METTL16: variants seen among roughly 807,000 people sequenced by gnomAD.
METTL16 encodes RNA N(6)-adenosine-methyltransferase METTL16.
METTL16 carries 19 observed loss-of-function variants against 57.9 expected under a neutral mutation model. That is an observed-to-expected ratio of 0.33 (90% CI 0.23 to 0.48). The LOEUF (loss-of-function observed/expected upper bound fraction) is 0.48. METTL16 is among the 20% of genes least tolerant of loss of function. The pLI is 0.99. For synonymous variants in METTL16, 246 were observed against 255.6 expected (o/e 0.96, Z 0.36); for missense variants, 434 against 691.5 (o/e 0.63, Z 4.18).
At chr17:2,494,074 C>A (rs945798310) in intron 2 of METTL16, among the ~76,000 whole-genome samples, 1 of 152,182 alleles carries the variant, frequency 6.6e-6, no homozygotes, top group African/African-American at 2.4e-5. Context: ...TTGACAGAGT[C>A]TCGCTCTGTT....
At chr17:2,456,681 C>T (rs977152565) in intron 6 of METTL16, among the ~76,000 whole-genome samples, 1 of 152,174 alleles carries the variant, frequency 6.6e-6, no homozygotes, top group Admixed American at 6.6e-5. Context: ...GTTGCCCAGG[C>T]TGGTCTTGAA....
chr17:2,499,126 T>A (rs570603608), intron 2 of METTL16, among the ~76,000 whole-genome samples: 1 of 151,640 alleles, frequency 6.6e-6, no homozygotes, highest in South Asian at 2.1e-4. Context: ...GATTCTCCCA[T>A]ACTAAAAGGT....
chr17:2,498,976 G>A (rs890472864), intron 2 of METTL16, among the ~76,000 whole-genome samples: 2 of 151,526 alleles, frequency 1.3e-5, no homozygotes, highest in African/African-American at 4.9e-5. Context: ...CCTCTGCCTG[G>A]AATACTCTTC....
At chr17:2,493,718 C>A (rs972263060) in intron 2 of METTL16, among the ~76,000 whole-genome samples, 471 of 128,648 alleles carry the variant, frequency 3.7e-3, no homozygotes, top group Non-Finnish European at 4.2e-3. Context: ...GACTCTGTCT[C>A]AAAAAAAAAA....
At chr17:2,492,825 G>A (rs1333030730) in intron 2 of METTL16, among the ~76,000 whole-genome samples, 1 of 149,592 alleles carries the variant, frequency 6.7e-6, no homozygotes, top group East Asian at 2.0e-4. Context: ...TGAACCCCAG[G>A]AGGCAGAGGT....
At position 2,507,134 on chromosome 17, in the gene METTL16, C is replaced by A. The variant is rs538476612; in HGVS notation, c.-1+4625G>T. 1.1e-4 allele frequency among the ~76,000 whole-genome samples: 16 copies of A among 151,148 alleles called. No homozygotes were observed. In the East Asian group the frequency reaches 2.2e-3, roughly 21 times the overall value. ...CCAGGAGGTGAGGGGCACCTCTGCC[C>A]GGCCGCCCCTACTGCGAAGTGAGGA... is the stretch of plus-strand genomic sequence containing the variant. On this transcript the variant is annotated intron_variant, in intron 1 of 9. Transcript: ENST00000263092.
At chr17:2,498,846 A>G (rs907651411) in intron 2 of METTL16, among the ~76,000 whole-genome samples, 1 of 151,492 alleles carries the variant, frequency 6.6e-6, no homozygotes, top group Non-Finnish European at 1.5e-5. Flanking sequence ...TGGGCCTTAT[A>G]AAGCACCACA....
chr17:2,477,922 A>G (rs2067278915), intron 2 of METTL16, 37 bp from the exon 3 acceptor site: 4 of 1,550,138 alleles, frequency 2.6e-6, no homozygotes, highest in South Asian at 2.2e-5. Context: ...ACTGATTAGT[A>G]AGATTCACTA....
chr17:2,464,214 C>CT lies in METTL16; in HGVS notation c.721dup (p.Arg241LysfsTer6). 1 of 1,610,094 alleles carries CT rather than the reference C, an allele frequency of 6.2e-7. No individual in the cohort carries two copies. Among genetic ancestry groups the CT allele is most frequent in the Non-Finnish European group, 8.5e-7 (1 of 1,178,816 alleles). ...GTTGTAAAAACAGACTTACCTTAATCTTTTTTTAAGTTGTAGACTGTCATG... is the reference window on the plus strand; with the variant it reads ...GTTGTAAAAACAGACTTACCTTAATCTTTTTTTTAAGTTGTAGACTGTCATG... On this transcript the variant is annotated frameshift_variant, in exon 6 of 10. Transcript: ENST00000263092. LOFTEE classifies it high-confidence loss of function.
Position 2,420,539 on chromosome 17 carries a change from T to C in METTL16, c.1120A>G (p.Ile374Val). The C allele has an allele frequency of 6.2e-7, 1 of 1,613,708 alleles. No homozygotes were observed. The highest frequency in any genetic ancestry group is 8.5e-7 in the Non-Finnish European group (1 of 1,180,036). The change falls in exon 10 of 10, where the codon ATA becomes GTA. Residue 374 changes from isoleucine to valine, a missense_variant. Ile to Val is a conservative substitution (Grantham distance 29). Coordinates refer to ENST00000263092, the MANE Select transcript of METTL16 (RefSeq NM_024086.4). This position sits in a 1 kb window ranked among gnomAD's most constrained non-coding sequence, Gnocchi z 5.4. The stretch of plus-strand genomic sequence containing the variant: ...CTTAAATGAATCCAGGAGTTTTCTA[T>C]GGCCGTTAGGAAAAGGCTGACTTCC... ...KEEVSLFLTA[I>V]ENSWIHLRRK...
At chr17:2,482,306 A>G (rs1472581551) in intron 2 of METTL16, among the ~76,000 whole-genome samples, 1 of 152,220 alleles carries the variant, frequency 6.6e-6, no homozygotes. Flanking sequence ...CCTGCTATAC[A>G]TCATTTCATT....
chr17:2,446,660 G>A (rs1018594158), intron 6 of METTL16, among the ~76,000 whole-genome samples: 17 of 150,200 alleles, frequency 1.1e-4, no homozygotes, highest in South Asian at 2.1e-4. Flanking sequence ...CTGATGCCGA[G>A]CCAAGGCTGG....
intron 8 of METTL16, among the ~76,000 whole-genome samples, chr17:2,434,747 AT>A (rs1181889771): frequency 2.0e-5 from 3 of 152,144 alleles, no homozygotes; most frequent in African/African-American, 7.2e-5. Context: ...AAGTTGCCTA[AT>A]TAATTTGACA....
intron 1 of METTL16, among the ~76,000 whole-genome samples, chr17:2,504,969 A>C (rs543320293): frequency 1.3e-5 from 2 of 152,320 alleles, no homozygotes; most frequent in Non-Finnish European, 2.9e-5. Flanking sequence ...ATTCCAACTT[A>C]AAGTTTCAAT....
At chr17:2,505,301 A>G (rs1198297581) in intron 1 of METTL16, among the ~76,000 whole-genome samples, 1 of 150,886 alleles carries the variant, frequency 6.6e-6, no homozygotes, top group Non-Finnish European at 1.5e-5. Flanking sequence ...AGTTTCTCAT[A>G]TCCAAGAAAT....
At chr17:2,424,911 G>A (rs1308926147) in intron 8 of METTL16, among the ~76,000 whole-genome samples, 2 of 151,440 alleles carry the variant, frequency 1.3e-5, no homozygotes, top group Admixed American at 6.6e-5. Flanking sequence ...TCGCGCCACT[G>A]CACTCCAGCC....
chr17:2,491,992 A>T (rs1174929184), intron 2 of METTL16, among the ~76,000 whole-genome samples: 1 of 151,206 alleles, frequency 6.6e-6, no homozygotes, highest in African/African-American at 2.4e-5. Context: ...CTGACGGATC[A>T]CGAGGTCAGG....
rs1225863174 is a variant in METTL16, at chr17:2,416,621, A to G, written c.*3349T>C. 1 of 152,266 alleles carries G rather than the reference A, an allele frequency of 6.6e-6. No homozygotes were observed. Among genetic ancestry groups the G allele is most frequent in the African/African-American group, 2.4e-5 (1 of 41,448 alleles). The allele number at this position is 152,266 out of a possible 1,614,324, so 9.4% of individuals were successfully genotyped here. On this transcript the variant is annotated 3_prime_UTR_variant, in exon 10 of 10. Coordinates refer to ENST00000263092, the MANE Select transcript of METTL16 (RefSeq NM_024086.4). ...GAGGCAAAGCAGATTCCGAAGAACA[A>G]AAGCAGCTTTAGTTTGCCTGGGCAA... is the stretch of plus-strand genomic sequence containing the variant.
chr17:2,493,085 A>G (rs906088698), intron 2 of METTL16, among the ~76,000 whole-genome samples: 1 of 148,034 alleles, frequency 6.8e-6, no homozygotes, highest in African/African-American at 2.5e-5. Flanking sequence ...TTTGTGTGAC[A>G]TTTCTTTTCC....
Sources: allele counts gnomAD v4.1 joint callset (sites outside exome capture counted in the v4.1 genomes callset), GRCh38; gene constraint gnomAD v4.1.1; non-coding constraint Gnocchi (gnomAD v3.1); transcripts MANE v1.5; gene names NCBI Gene and HGNC (gene_info 2026-07-23, HGNC 2026-07-21).